Variants in FOXN3 observed in about 807,000 individuals in gnomAD.
FOXN3 encodes the protein forkhead box N3, also known as forkhead box protein N3.
Under a neutral mutation model 38.4 loss-of-function variants are expected in FOXN3, and 7 were observed. The observed-to-expected ratio is 0.18, with a 90% confidence interval of 0.10 to 0.34. The LOEUF (loss-of-function observed/expected upper bound fraction) is 0.34, where lower values mean the gene tolerates loss of function less well. Among genes scored for constraint, FOXN3 ranks in the 10% least tolerant of loss-of-function variants. The pLI, the probability that FOXN3 is intolerant of heterozygous loss-of-function variation, is 1.00. For synonymous variants in FOXN3, 230 were observed against 242.2 expected (o/e 0.95, Z 0.47); for missense variants, 456 against 613.4 (o/e 0.74, Z 2.71).
chr14:89,265,905 C>G (rs1209302377), intron 4 of FOXN3, among the ~76,000 whole-genome samples: 1 of 152,190 alleles, frequency 6.6e-6, no homozygotes, highest in African/African-American at 2.4e-5. Context: ...CATTCACGTT[C>G]CCTGGTAGGG....
chr14:89,421,062 T>C (rs931736549), upstream of FOXN3, among the ~76,000 whole-genome samples: 15 of 151,364 alleles, frequency 9.9e-5, no homozygotes, highest in African/African-American at 3.1e-4. Flanking sequence ...AAGGCTAAAA[T>C]AGTGGTTCCT....
intron 3 of FOXN3, chr14:89,290,937 C>T: frequency 9.5e-6 from 3 of 316,976 alleles, no homozygotes; most frequent in South Asian, 5.8e-5. Context: ...AAAGGTCAGG[C>T]CCTCAGGAGA....
chr14:89,344,769 A>G (rs577523197), intron 3 of FOXN3, among the ~76,000 whole-genome samples: 6 of 152,332 alleles, frequency 3.9e-5, no homozygotes, highest in African/African-American at 1.4e-4. Context: ...GAAATTTCCT[A>G]AAAAGTTGGT....
chr14:89,395,054 C>T (rs1201754681), intron 2 of FOXN3, among the ~76,000 whole-genome samples: 5 of 152,186 alleles, frequency 3.3e-5, no homozygotes, highest in Admixed American at 6.5e-5. Context: ...GGAAATCACG[C>T]GTTCATGTGC....
chr14:89,304,336 G>A (rs918091301), intron 3 of FOXN3, among the ~76,000 whole-genome samples: 14 of 152,164 alleles, frequency 9.2e-5, no homozygotes, highest in African/African-American at 3.4e-4. Flanking sequence ...GGTTAGCAGG[G>A]AAAATCCAAA....
At chr14:89,371,555 T>TC (rs1890319121) in intron 2 of FOXN3, among the ~76,000 whole-genome samples, 1 of 151,900 alleles carries the variant, frequency 6.6e-6, no homozygotes, top group African/African-American at 2.4e-5. Context: ...GTTGGTCCTC[T>TC]CCCCAGTCTA....
At chr14:89,528,501 A>C (rs866372873) in intron 1 of FOXN3, among the ~76,000 whole-genome samples, 5 of 147,248 alleles carry the variant, frequency 3.4e-5, no homozygotes, top group Non-Finnish European at 7.4e-5. Context: ...GGTTCAAGCA[A>C]TTCTCCTGCC....
intron 3 of FOXN3, among the ~76,000 whole-genome samples, chr14:89,311,589 G>A (rs187952621): frequency 1.3e-4 from 20 of 152,164 alleles, no homozygotes; most frequent in African/African-American, 4.6e-4. Flanking sequence ...CACTTTGGGA[G>A]GCCAAGGTGG....
intron 1 of FOXN3, among the ~76,000 whole-genome samples, chr14:89,446,471 G>A (rs1051839298): frequency 1.3e-5 from 2 of 152,112 alleles, no homozygotes; most frequent in African/African-American, 2.4e-5. Context: ...TTACAGGCAT[G>A]AGCCACTGTA....
At chr14:89,374,263 CA>C (rs35623770) in intron 2 of FOXN3, among the ~76,000 whole-genome samples, 4,601 of 47,632 alleles carry the variant, frequency 0.097, 21 homozygotes, top group East Asian at 0.26. Flanking sequence ...GACCTTGTCT[CA>C]AAAAAAAAAA....
chr14:89,261,009 T>C (rs1596138393), intron 4 of FOXN3, among the ~76,000 whole-genome samples: 1 of 152,248 alleles, frequency 6.6e-6, no homozygotes, highest in African/African-American at 2.4e-5. Flanking sequence ...CCTGTGTTTG[T>C]GTATGTGCAT....
intron 1 of FOXN3, among the ~76,000 whole-genome samples, chr14:89,542,140 T>G (rs868420840): frequency 6.6e-6 from 1 of 152,226 alleles, no homozygotes. Flanking sequence ...GCATCCACCC[T>G]AAGTACAATA....
In FOXN3 at chr14:89,160,586, A is replaced by T. The variant is rs1887074419; in HGVS notation, c.*1828T>A. ...ATCATGGTAATGATTTTCTCAAGTA[A>T]GCGTCCCATAATTCTCTTGATTCTA... is the stretch of plus-strand genomic sequence containing the variant. On this transcript the variant is annotated 3_prime_UTR_variant, in exon 6 of 6. Transcript: ENST00000557258. The T allele has an allele frequency of 6.6e-6, 1 of 152,602 alleles. No homozygotes were observed. 9.5% of individuals were successfully genotyped at this position (152,602 alleles called of 1,614,324 possible).
chr14:89,324,174 G>C (rs1158012074), intron 3 of FOXN3, among the ~76,000 whole-genome samples: 1 of 152,170 alleles, frequency 6.6e-6, no homozygotes, highest in Non-Finnish European at 1.5e-5. Context: ...TAATAGCCAA[G>C]CAACACGCCC....
chr14:89,464,975 C>T (rs772630935), intron 1 of FOXN3, among the ~76,000 whole-genome samples: 19 of 152,134 alleles, frequency 1.2e-4, no homozygotes, highest in Non-Finnish European at 2.1e-4. Flanking sequence ...GGTCTGCAGG[C>T]GTGAGCCACC....
At chr14:89,176,448 T>C (rs1227378862) in intron 5 of FOXN3, among the ~76,000 whole-genome samples, 1 of 151,828 alleles carries the variant, frequency 6.6e-6, no homozygotes, top group Non-Finnish European at 1.5e-5. Context: ...CAAAAGAGAG[T>C]GGGAAATTGG....
chr14:89,256,012 G>A (rs560877821), intron 4 of FOXN3, among the ~76,000 whole-genome samples: 1 of 152,204 alleles, frequency 6.6e-6, no homozygotes, highest in East Asian at 1.9e-4. Flanking sequence ...TAGAGGGCAG[G>A]GTGGAGGTGG....
chr14:89,162,406 A>C lies in FOXN3; in HGVS notation c.*8T>G. 6.5e-7 allele frequency: 1 copy of C among 1,537,330 alleles called. No individual in the cohort carries two copies. Among genetic ancestry groups the C allele is most frequent in the Non-Finnish European group, 8.8e-7 (1 of 1,142,458 alleles). Reference sequence around the variant, plus strand: ...GTCGTAAGTTCAAAACAAATCAGTGACTTGTTTTTAATTTTTTGTGGTTTC... The same window carrying C: ...GTCGTAAGTTCAAAACAAATCAGTGCCTTGTTTTTAATTTTTTGTGGTTTC... On this transcript the variant is annotated 3_prime_UTR_variant, in exon 6 of 6. Transcript: ENST00000557258. This position sits in a 1 kb window ranked among gnomAD's most constrained non-coding sequence, Gnocchi z 7.2.
At chr14:89,579,510 CT>C (rs1313564364) in intron 1 of FOXN3, among the ~76,000 whole-genome samples, 1 of 152,140 alleles carries the variant, frequency 6.6e-6, no homozygotes, top group Admixed American at 6.5e-5. Context: ...ACATAAAATC[CT>C]CTAGTAGTTT....
Sources: gnomAD v4.1 joint callset for allele counts (sites outside exome capture counted in the v4.1 genomes callset) on GRCh38, gnomAD v4.1.1 for gene constraint, Gnocchi (gnomAD v3.1) non-coding constraint, MANE v1.5 for transcripts, NCBI Gene and HGNC (gene_info 2026-07-23, HGNC 2026-07-21) for gene names.